Variants in CDC14B observed in about 807,000 individuals in gnomAD.
CDC14B encodes dual specificity protein phosphatase CDC14B.
A neutral mutation model predicts 64.2 loss-of-function variants in CDC14B; 22 were observed. The ratio of observed to expected loss-of-function variants is 0.34; its 90% CI spans 0.24 to 0.49. The LOEUF (loss-of-function observed/expected upper bound fraction) is 0.49. Ranked by LOEUF, CDC14B falls within the 20% of genes least tolerant of loss-of-function variation. The pLI is 0.99. For synonymous variants in CDC14B, 191 were observed against 215.8 expected (o/e 0.89, Z 1.01); for missense variants, 498 against 629.9 (o/e 0.79, Z 2.24).
intron 1 of CDC14B, among the ~76,000 whole-genome samples, chr9:96,601,893 A>G (rs980162264): frequency 1.3e-5 from 2 of 150,136 alleles, no homozygotes; most frequent in Admixed American, 6.7e-5. Flanking sequence ...TCCCATCTCC[A>G]CTAAAAATAC....
intron 5 of CDC14B, among the ~76,000 whole-genome samples, chr9:96,542,407 T>G (rs945672037): frequency 1.3e-5 from 2 of 152,232 alleles, no homozygotes; most frequent in Non-Finnish European, 2.9e-5. Context: ...AAGGTCACAT[T>G]TAAAATATTA....
intron 1 of CDC14B, among the ~76,000 whole-genome samples, chr9:96,600,219 A>G (rs533769145): frequency 1.3e-5 from 2 of 151,312 alleles, no homozygotes; most frequent in African/African-American, 4.8e-5. Context: ...ACATAACAAG[A>G]GCCCATCTCT....
intron 9 of CDC14B, among the ~76,000 whole-genome samples, chr9:96,528,058 T>G (rs1165578929): frequency 6.6e-6 from 1 of 152,234 alleles, no homozygotes; most frequent in East Asian, 1.9e-4. Flanking sequence ...CAAACCTAAA[T>G]TGGCCTAATA....
Position 96,515,983 on chromosome 9 carries a change from TGTTTAAACAG to T in CDC14B, c.1344-6204_1344-6195del, listed in dbSNP as rs1342659417. On this transcript the variant is annotated intron_variant, in intron 12 of 13. Transcript: ENST00000375241. This position sits in a 1 kb window ranked among gnomAD's most constrained non-coding sequence, Gnocchi z 4.3. ...TTTTATGTTGAATAAAAAAATGCTG[TGTTTAAACAG>T]GTTTCATACTTTGGGACTCAGTCAC... Among the ~76,000 whole-genome samples, 4 of 152,214 alleles carry T rather than the reference TGTTTAAACAG, an allele frequency of 2.6e-5. No homozygotes were observed. The highest frequency in any genetic ancestry group is 9.6e-5 in the African/African-American group (4 of 41,464).
intron 13 of CDC14B, among the ~76,000 whole-genome samples, chr9:96,504,959 A>C (rs1300967451): frequency 6.6e-6 from 1 of 152,116 alleles, no homozygotes; most frequent in Non-Finnish European, 1.5e-5. Context: ...CAGATCACCT[A>C]AGGTTAGGAG....
At chr9:96,618,660 A>AGGCCCAGGAGAGGGGCTCGGGC (rs1429147109) in intron 1 of CDC14B, 44 of 519,738 alleles carry the variant, frequency 8.5e-5, no homozygotes, top group Non-Finnish European at 1.6e-4. Flanking sequence ...AGGGCGCGGG[A>AGGCCCAGGAGAGGGGCTCGGGC]GGCCCAGGAG....
chr9:96,559,438 T>C (rs1397757990), intron 4 of CDC14B, among the ~76,000 whole-genome samples: 1 of 152,200 alleles, frequency 6.6e-6, no homozygotes, highest in African/African-American at 2.4e-5. Context: ...CAGAAAACGT[T>C]ATCAAGGATG....
chr9:96,599,206 C>T (rs1846271983), intron 1 of CDC14B, among the ~76,000 whole-genome samples: 1 of 151,982 alleles, frequency 6.6e-6, no homozygotes, highest in Non-Finnish European at 1.5e-5. Flanking sequence ...ATGGCAAAAC[C>T]CCATCTCTAT....
intron 4 of CDC14B, among the ~76,000 whole-genome samples, chr9:96,557,812 A>G (rs1305704153): frequency 6.6e-6 from 1 of 152,222 alleles, no homozygotes; most frequent in African/African-American, 2.4e-5. Flanking sequence ...TAGCTCTACC[A>G]AAGTAATCTA....
chr9:96,516,904 T>C (rs897733548), intron 12 of CDC14B, among the ~76,000 whole-genome samples: 2 of 151,946 alleles, frequency 1.3e-5, no homozygotes, highest in African/African-American at 4.8e-5. Flanking sequence ...CAATTCTGCC[T>C]CAGCCTCCCA....
intron 5 of CDC14B, among the ~76,000 whole-genome samples, chr9:96,546,415 G>A (rs1840841028): frequency 6.6e-6 from 1 of 151,198 alleles, no homozygotes; most frequent in Non-Finnish European, 1.5e-5. Context: ...AGGGGTGGGA[G>A]GGAAATCTAG....
intron 12 of CDC14B, among the ~76,000 whole-genome samples, chr9:96,510,206 T>C (rs1320094488): frequency 6.6e-6 from 1 of 152,194 alleles, no homozygotes; most frequent in East Asian, 1.9e-4. Flanking sequence ...CTATACAATA[T>C]TCACTCTTCA....
intron 1 of CDC14B, among the ~76,000 whole-genome samples, chr9:96,594,811 TC>T (rs886277905): frequency 2.0e-4 from 29 of 147,890 alleles, no homozygotes; most frequent in African/African-American, 7.0e-4. Flanking sequence ...TTCTCAGCAC[TC>T]CTAAGTCATC....
chr9:96,565,651 G>A, intron 1 of CDC14B, 168 bp from the exon 2 acceptor site: 1 of 649,964 alleles, frequency 1.5e-6, no homozygotes, highest in South Asian at 1.8e-5. Flanking sequence ...ATTTGGGTGG[G>A]AATAATCAAT....
At chr9:96,548,123 C>G (rs1438054874) in intron 5 of CDC14B, among the ~76,000 whole-genome samples, 1 of 152,098 alleles carries the variant, frequency 6.6e-6, no homozygotes, top group Non-Finnish European at 1.5e-5. Flanking sequence ...CAGCGCCCAG[C>G]CTATTGTTTC....
At chr9:96,534,602 C>T in intron 7 of CDC14B, 60 bp from the exon 8 acceptor site, 4 of 1,108,240 alleles carry the variant, frequency 3.6e-6, no homozygotes, top group Non-Finnish European at 5.5e-6. Flanking sequence ...AACCTCTCTA[C>T]TCAAGACTGA....
chr9:96,579,650 G>C (rs13295628), intron 1 of CDC14B, among the ~76,000 whole-genome samples: 1 of 151,872 alleles, frequency 6.6e-6, no homozygotes, highest in African/African-American at 2.4e-5. Flanking sequence ...GAAAGGTCAC[G>C]TGGAGGTACA....
At chr9:96,517,404 G>A (rs1338486481) in intron 12 of CDC14B, among the ~76,000 whole-genome samples, 1 of 149,370 alleles carries the variant, frequency 6.7e-6, no homozygotes, top group Non-Finnish European at 1.5e-5. Flanking sequence ...TGTAATCCCA[G>A]CACTTTGGGA....
At chr9:96,520,414 T>C (rs940231533) in intron 12 of CDC14B, among the ~76,000 whole-genome samples, 1 of 152,040 alleles carries the variant, frequency 6.6e-6, no homozygotes, top group Admixed American at 6.5e-5. Flanking sequence ...GCAGTGATCA[T>C]GGCTCACTGC....
Sources: allele counts gnomAD v4.1 joint callset (sites outside exome capture counted in the v4.1 genomes callset), GRCh38; gene constraint gnomAD v4.1.1; non-coding constraint Gnocchi (gnomAD v3.1); transcripts MANE v1.5; gene names NCBI Gene and HGNC (gene_info 2026-07-23, HGNC 2026-07-21).